The following DOCK1 variants were observed in gnomAD, a reference collection of about 807,000 sequenced individuals.
DOCK1 encodes dedicator of cytokinesis protein 1.
Under a neutral mutation model 262.7 loss-of-function variants are expected in DOCK1, and 138 were observed. That is an observed-to-expected ratio of 0.53 (90% CI 0.46 to 0.61). The LOEUF is 0.61. DOCK1 is among the 20% of genes least tolerant of loss of function. The pLI, the probability that DOCK1 is intolerant of heterozygous loss-of-function variation, is 0.00. For missense variants in DOCK1, 1,908 were observed against 2,370.7 expected, an observed-to-expected ratio of 0.80 and a Z score of 4.05; for synonymous variants, 866 against 867.4, an observed-to-expected ratio of 1.00 and a Z score of 0.03.
chr10:127,003,280 G>A (rs867112116), intron 10 of DOCK1, among the ~76,000 whole-genome samples: 2 of 148,604 alleles, frequency 1.3e-5, no homozygotes, highest in East Asian at 2.0e-4. Context: ...ATGAACCTGC[G>A]TGAACCTGTG....
chr10:127,266,864 C>T (rs2060379658), intron 29 of DOCK1, among the ~76,000 whole-genome samples: 1 of 152,212 alleles, frequency 6.6e-6, no homozygotes, highest in African/African-American at 2.4e-5. Context: ...AGACATTTCA[C>T]AGCCCAGAGT....
chr10:127,317,110 C>A (rs184673451), intron 29 of DOCK1, among the ~76,000 whole-genome samples: 23 of 152,258 alleles, frequency 1.5e-4, no homozygotes, highest in East Asian at 1.2e-3. Flanking sequence ...TTTTTCTGGA[C>A]CCACAGTATG....
intron 2 of DOCK1, among the ~76,000 whole-genome samples, chr10:126,973,083 G>C (rs1426086523): frequency 6.6e-6 from 1 of 151,930 alleles, no homozygotes; most frequent in Non-Finnish European, 1.5e-5. Context: ...TTTTACTTTT[G>C]CTGCCGGTCA....
chr10:126,987,469 T>C (rs75576631), intron 4 of DOCK1, 52 bp from the exon 5 acceptor site: 3 of 1,455,216 alleles, frequency 2.1e-6, no homozygotes, highest in Non-Finnish European at 1.9e-6. Context: ...GTACTACTCA[T>C]AGCAGGCAGT....
chr10:127,106,567 T>G (rs1045457486), intron 24 of DOCK1, among the ~76,000 whole-genome samples: 3 of 152,090 alleles, frequency 2.0e-5, no homozygotes, highest in Non-Finnish European at 2.9e-5. Context: ...CATTTGGCAT[T>G]TTGCATACTT....
At chr10:127,199,566 T>C (rs1438497176) in intron 27 of DOCK1, among the ~76,000 whole-genome samples, 3 of 152,134 alleles carry the variant, frequency 2.0e-5, no homozygotes, top group Non-Finnish European at 2.9e-5. Context: ...TCTACAAAGG[T>C]GCAGAACAAA....
chr10:127,089,584 A>G (rs561270616), intron 23 of DOCK1, among the ~76,000 whole-genome samples: 250 of 152,250 alleles, frequency 1.6e-3, no homozygotes, highest in Non-Finnish European at 3.0e-3. Flanking sequence ...TCCCTCCCCC[A>G]GGAGAGGGGG....
intron 12 of DOCK1, among the ~76,000 whole-genome samples, chr10:127,014,544 C>T (rs2041715478): frequency 6.6e-6 from 1 of 152,214 alleles, no homozygotes; most frequent in Non-Finnish European, 1.5e-5. Flanking sequence ...AGTGTTCCAT[C>T]CTCATGTCTC....
chr10:126,967,652 G>T (rs1240475959), intron 1 of DOCK1, among the ~76,000 whole-genome samples: 1 of 152,008 alleles, frequency 6.6e-6, no homozygotes, highest in Admixed American at 6.6e-5. Context: ...CCAGCTTCCA[G>T]AGGCCACTGT....
At chr10:127,381,911 A>C (rs1318640043) in intron 37 of DOCK1, among the ~76,000 whole-genome samples, 1 of 152,060 alleles carries the variant, frequency 6.6e-6, no homozygotes, top group Non-Finnish European at 1.5e-5. Flanking sequence ...TGGTTCTTTT[A>C]TTACTCAGAT....
intron 29 of DOCK1, among the ~76,000 whole-genome samples, chr10:127,273,700 G>A (rs760714183): frequency 1.3e-5 from 2 of 152,006 alleles, no homozygotes; most frequent in African/African-American, 2.4e-5. Context: ...TGGGCAACAC[G>A]ACGCAACCCC....
At chr10:127,076,598 G>A (rs183700876) in intron 23 of DOCK1, among the ~76,000 whole-genome samples, 1 of 152,326 alleles carries the variant, frequency 6.6e-6, no homozygotes, top group Non-Finnish European at 1.5e-5. Flanking sequence ...GTGTGCCCCA[G>A]GGAGTGGTGA....
At chr10:127,384,351 G>A (rs146913456) in intron 37 of DOCK1, among the ~76,000 whole-genome samples, 1 of 152,288 alleles carries the variant, frequency 6.6e-6, no homozygotes, top group East Asian at 1.9e-4. Context: ...TAAGGAGCTT[G>A]ACAGCCTTTC....
At chr10:127,404,482 T>A (rs2067399528) in intron 40 of DOCK1, 53 bp downstream of exon 40, 2 of 1,548,944 alleles carry the variant, frequency 1.3e-6, no homozygotes, top group Admixed American at 3.6e-5. Context: ...CAGCAGAAAA[T>A]CCCCTTCCCG....
chr10:126,919,348 C>G (rs972352749), intron 1 of DOCK1, among the ~76,000 whole-genome samples: 7 of 152,160 alleles, frequency 4.6e-5, no homozygotes, highest in Admixed American at 4.6e-4. Context: ...TGATTATTTT[C>G]CTTTCTAATT....
chr10:127,067,962 G>C (rs1486871326), intron 23 of DOCK1, among the ~76,000 whole-genome samples: 2 of 152,012 alleles, frequency 1.3e-5, no homozygotes, highest in Admixed American at 1.3e-4. Context: ...CAGAAGGTTT[G>C]TCTTCCTTCT....
chr10:127,149,833 G>A (rs1338660999), intron 27 of DOCK1, among the ~76,000 whole-genome samples: 1 of 152,194 alleles, frequency 6.6e-6, no homozygotes, highest in African/African-American at 2.4e-5. Context: ...CAATCCCGGG[G>A]TGTTCCAGGC....
intron 17 of DOCK1, 108 bp from the exon 18 acceptor site, chr10:127,032,029 A>G: frequency 7.4e-7 from 1 of 1,346,604 alleles, no homozygotes; most frequent in Non-Finnish European, 1.0e-6. Flanking sequence ...TTAATATGAT[A>G]CAAAGCAATT....
At chr10:127,373,699 G>A (rs1202671547) in intron 33 of DOCK1, 82 bp from the exon 34 acceptor site, 19 of 1,306,964 alleles carry the variant, frequency 1.5e-5, no homozygotes, top group South Asian at 7.7e-5. Context: ...CTCTCTTGCC[G>A]ATTTATGTTC....
Sources: allele counts gnomAD v4.1 joint callset (sites outside exome capture counted in the v4.1 genomes callset), GRCh38; gene constraint gnomAD v4.1.1; transcripts MANE v1.5; gene names NCBI Gene and HGNC (gene_info 2026-07-23, HGNC 2026-07-21).